HNF4G: variants seen among roughly 807,000 people sequenced by gnomAD.
HNF4G encodes hepatocyte nuclear factor 4-gamma.
Under a neutral mutation model 50.9 loss-of-function variants are expected in HNF4G, and 21 were observed. The ratio of observed to expected loss-of-function variants is 0.41; its 90% confidence interval spans 0.29 to 0.59. The LOEUF is 0.59. Ranked by LOEUF, HNF4G falls within the 20% of genes least tolerant of loss-of-function variation. The probability of loss-of-function intolerance (pLI) is 0.26; values close to 1 mark genes in which losing one functional copy is unlikely to be tolerated. For missense variants in HNF4G, 527 were observed against 559.4 expected (o/e 0.94, Z 0.58); for synonymous variants, 198 against 185.6 (o/e 1.07, Z -0.54).
At chr8:75,509,171 A>G (rs145219337) in intron 2 of HNF4G, among the ~76,000 whole-genome samples, 1 of 152,316 alleles carries the variant, frequency 6.6e-6, no homozygotes, top group East Asian at 1.9e-4. Context: ...AGATATTTGT[A>G]GTTAGGCTTA....
At position 75,488,821 on chromosome 8, in the gene HNF4G, C is replaced by T. The variant is rs77292211; in HGVS notation, c.-143-1268C>T. ...ATATAAGGAGTGTGATGTTTTCTGT[C>T]TATTAAAAAGTATGAAAAGGCACTG... On this transcript the variant is annotated intron_variant, in intron 1 of 10. Transcript: ENST00000354370. Among the ~76,000 whole-genome samples, 1,300 of 152,088 alleles carry T rather than the reference C, an allele frequency of 8.5e-3. 60 individuals are homozygous for T. The East Asian group carries it at 0.15, about 18-fold the overall frequency.
At chr8:75,439,143 T>G (rs1005586383) in intron 1 of HNF4G, among the ~76,000 whole-genome samples, 3 of 152,056 alleles carry the variant, frequency 2.0e-5, no homozygotes, top group Non-Finnish European at 4.4e-5. Flanking sequence ...TGGAGGTGTA[T>G]CTTCAGGATT....
At chr8:75,554,547 T>C (rs1807059376) in intron 5 of HNF4G, among the ~76,000 whole-genome samples, 1 of 152,206 alleles carries the variant, frequency 6.6e-6, no homozygotes, top group Admixed American at 6.5e-5. Flanking sequence ...CAGGTGTTAT[T>C]ATCTCCATTT....
At chr8:75,466,637 T>TTCG (rs1563517767) in intron 1 of HNF4G, among the ~76,000 whole-genome samples, 1 of 21,206 alleles carries the variant, frequency 4.7e-5, no homozygotes, top group African/African-American at 1.4e-4. Flanking sequence ...TCCTTCCTTC[T>TTCG]CCCTTCCCTT....
chr8:75,537,973 CT>C (rs1806513727), upstream of HNF4G, among the ~76,000 whole-genome samples: 1 of 152,092 alleles, frequency 6.6e-6, no homozygotes, highest in Non-Finnish European at 1.5e-5. Context: ...TTCCACTGTA[CT>C]TTGTACTCTC....
intron 2 of HNF4G, among the ~76,000 whole-genome samples, chr8:75,503,837 T>G (rs147897588): frequency 2.2e-4 from 34 of 152,314 alleles, no homozygotes; most frequent in African/African-American, 7.7e-4. Flanking sequence ...AATCTTTTGC[T>G]GTGGATGGGA....
At chr8:75,493,511 T>A (rs1412648259) in intron 2 of HNF4G, among the ~76,000 whole-genome samples, 1 of 152,096 alleles carries the variant, frequency 6.6e-6, no homozygotes, top group East Asian at 1.9e-4. Flanking sequence ...TACTTGGTAT[T>A]GTAATTGAAA....
At chr8:75,460,982 G>A (rs1015598695) in intron 1 of HNF4G, among the ~76,000 whole-genome samples, 8 of 152,106 alleles carry the variant, frequency 5.3e-5, no homozygotes, top group African/African-American at 1.9e-4. Flanking sequence ...GTAGATTAAT[G>A]ATTACCACAC....
chr8:75,559,193 T>G (rs1012316486), intron 8 of HNF4G, among the ~76,000 whole-genome samples, 156 bp downstream of exon 8: 9 of 152,054 alleles, frequency 5.9e-5, no homozygotes. Flanking sequence ...GAACTCAAGG[T>G]TTTACATTTA....
intron 1 of HNF4G, among the ~76,000 whole-genome samples, chr8:75,468,345 A>C (rs961875476): frequency 6.6e-6 from 1 of 152,162 alleles, no homozygotes; most frequent in African/African-American, 2.4e-5. Context: ...CTCAAGAACC[A>C]TGCTTAGTCT....
chr8:75,548,707 A>C (rs1806860660), intron 3 of HNF4G, among the ~76,000 whole-genome samples: 1 of 152,226 alleles, frequency 6.6e-6, no homozygotes, highest in Non-Finnish European at 1.5e-5. Context: ...CATGCCTATC[A>C]TATACAAAGA....
rs1811389938 is a variant in HNF4G, at chr8:75,445,012, T to C, written c.-144+36850T>C. 2.7e-5 allele frequency among the ~76,000 whole-genome samples: 4 copies of C among 150,850 alleles called. No homozygotes were observed. In the South Asian group the frequency reaches 8.4e-4, roughly 32 times the overall value. On this transcript the variant is annotated intron_variant, in intron 1 of 10. Transcript: ENST00000354370. ...CACCACACCACACCTATTCCAAAACTGACCACATACTTGGAAGTAAAGCTC... is the reference window on the plus strand; with the variant it reads ...CACCACACCACACCTATTCCAAAACCGACCACATACTTGGAAGTAAAGCTC...
At chr8:75,543,625 A>G (rs2130788280) in intron 1 of HNF4G, among the ~76,000 whole-genome samples, 186 bp from the exon 2 acceptor site, 1 of 152,308 alleles carries the variant, frequency 6.6e-6, no homozygotes, top group Admixed American at 6.5e-5. Flanking sequence ...CCAAAGTTAA[A>G]TGTTCAGAAA....
intron 1 of HNF4G, among the ~76,000 whole-genome samples, chr8:75,430,386 C>A (rs1810982407): frequency 6.6e-6 from 1 of 151,092 alleles, no homozygotes; most frequent in Admixed American, 6.6e-5. Flanking sequence ...GCAGATTTGA[C>A]TACAAATACC....
At chr8:75,477,779 C>T (rs1812272315) in intron 1 of HNF4G, among the ~76,000 whole-genome samples, 1 of 151,356 alleles carries the variant, frequency 6.6e-6, no homozygotes, top group Non-Finnish European at 1.5e-5. Flanking sequence ...ACCAGTCTGA[C>T]CGATATGGAG....
intron 2 of HNF4G, among the ~76,000 whole-genome samples, chr8:75,529,874 CACTT>C (rs1311630827): frequency 6.6e-6 from 1 of 152,036 alleles, no homozygotes; most frequent in Non-Finnish European, 1.5e-5. Flanking sequence ...AATTTTTAAA[CACTT>C]AATTTTGTTG....
At chr8:75,520,075 A>G (rs568639528) in intron 2 of HNF4G, among the ~76,000 whole-genome samples, 13 of 150,578 alleles carry the variant, frequency 8.6e-5, no homozygotes, top group African/African-American at 2.9e-4. Context: ...TTGTTTACTT[A>G]TTTTTTTACA....
upstream of HNF4G, among the ~76,000 whole-genome samples, chr8:75,535,982 G>T (rs140881823): frequency 1.8e-4 from 27 of 151,966 alleles, no homozygotes; most frequent in African/African-American, 6.5e-4. Context: ...AGTTGCTTGG[G>T]AGAAACATTT....
At chr8:75,550,566 A>T (rs534196131) in intron 3 of HNF4G, among the ~76,000 whole-genome samples, 150 of 152,200 alleles carry the variant, frequency 9.9e-4, no homozygotes, top group Middle Eastern at 3.4e-3. Flanking sequence ...AAGTGCTGGG[A>T]TTACAGACTT....
Sources: allele counts gnomAD v4.1 joint callset (sites outside exome capture counted in the v4.1 genomes callset), GRCh38; gene constraint gnomAD v4.1.1; transcripts MANE v1.5; gene names NCBI Gene and HGNC (gene_info 2026-07-23, HGNC 2026-07-21).